Variants in SLC12A8 observed in about 807,000 individuals in gnomAD.
SLC12A8 encodes the protein cation-chloride cotransporter 9.
A neutral mutation model predicts 75.6 loss-of-function variants in SLC12A8; 69 were observed. The ratio of observed to expected loss-of-function variants is 0.91; its 90% CI spans 0.75 to 1.11. SLC12A8 has a LOEUF of 1.11. Ranked by LOEUF, SLC12A8 falls within the 50% of genes most tolerant of loss-of-function variation. The probability of loss-of-function intolerance (pLI) is 0.00; values close to 1 mark genes in which losing one functional copy is unlikely to be tolerated. For missense variants in SLC12A8, 877 were observed against 896.7 expected (o/e 0.98, Z 0.28); for synonymous variants, 365 against 372.8 (o/e 0.98, Z 0.24).
chr3:125,169,479 G>T (rs1934363084), intron 5 of SLC12A8, among the ~76,000 whole-genome samples: 1 of 152,122 alleles, frequency 6.6e-6, no homozygotes, highest in African/African-American at 2.4e-5. Flanking sequence ...GAGATGAAAT[G>T]AGAGACAAGA....
At chr3:125,159,264 A>G (rs1217668992) in intron 5 of SLC12A8, among the ~76,000 whole-genome samples, 3 of 152,214 alleles carry the variant, frequency 2.0e-5, no homozygotes, top group Non-Finnish European at 4.4e-5. Context: ...TATATATCAA[A>G]GAACTTTTTT....
chr3:125,116,059 T>C (rs947616542), intron 8 of SLC12A8, among the ~76,000 whole-genome samples: 11 of 152,206 alleles, frequency 7.2e-5, no homozygotes, highest in African/African-American at 2.7e-4. Context: ...ATCTACTGCC[T>C]GAGCACGGTA....
At chr3:125,180,554 G>A (rs772641127) in intron 4 of SLC12A8, among the ~76,000 whole-genome samples, 10 of 152,080 alleles carry the variant, frequency 6.6e-5, no homozygotes, top group Non-Finnish European at 1.3e-4. Context: ...AGCCAGGCAC[G>A]GTGGTGTGCA....
At chr3:125,131,215 G>T (rs1235812747) in intron 6 of SLC12A8, among the ~76,000 whole-genome samples, 1 of 152,166 alleles carries the variant, frequency 6.6e-6, no homozygotes, top group East Asian at 1.9e-4. Flanking sequence ...ATTTGCCTGT[G>T]CACTGTTTTG....
chr3:125,107,009 C>G (rs1454707013), intron 10 of SLC12A8, among the ~76,000 whole-genome samples: 4 of 152,194 alleles, frequency 2.6e-5, no homozygotes, highest in Non-Finnish European at 5.9e-5. Flanking sequence ...CTGTGTATCT[C>G]TGTGTTTATA....
At chr3:125,135,052 C>A (rs1283396501) in intron 6 of SLC12A8, among the ~76,000 whole-genome samples, 1 of 152,198 alleles carries the variant, frequency 6.6e-6, no homozygotes, top group Non-Finnish European at 1.5e-5. Flanking sequence ...GGCAGGAGCC[C>A]TACAGGGACC....
At chr3:125,201,702 G>GAAAAAAAAAAA (rs141256499) in intron 2 of SLC12A8, among the ~76,000 whole-genome samples, 2 of 95,572 alleles carry the variant, frequency 2.1e-5, no homozygotes, top group Non-Finnish European at 2.2e-5. Flanking sequence ...AGCCATGATT[G>GAAAAAAAAAAA]AAAAAAAAAA....
At chr3:125,159,679 A>G (rs1934126319) in intron 5 of SLC12A8, among the ~76,000 whole-genome samples, 1 of 152,008 alleles carries the variant, frequency 6.6e-6, no homozygotes, top group African/African-American at 2.4e-5. Flanking sequence ...GTGAGCCACC[A>G]GCCCCCAGGC....
At chr3:125,141,898 G>A (rs548222124) in intron 5 of SLC12A8, among the ~76,000 whole-genome samples, 2 of 152,236 alleles carry the variant, frequency 1.3e-5, no homozygotes, top group East Asian at 3.9e-4. Context: ...CGCAGGAAGA[G>A]CGGCTCTGCG....
Position 125,118,789 on chromosome 3 carries a change from C to A in SLC12A8, c.892G>T (p.Asp298Tyr). The change falls in exon 8 of 14, where the codon GAC becomes TAC. Residue 298 changes from aspartate to tyrosine, a missense_variant. Transcript: ENST00000469902. ...CTCACCTTTTCCGCTATCAGGAAGT[C>A]ATAGCGAAGGGCCTCTCGAGTGCAG... ...AICTREALRY[D>Y]FLIAEKVSLM... 6.2e-7 allele frequency: 1 copy of A among 1,613,564 alleles called. No individual in the cohort carries two copies. Among genetic ancestry groups the A allele is most frequent in the South Asian group, 1.1e-5 (1 of 91,008 alleles).
chr3:125,120,496 T>A, intron 7 of SLC12A8, 103 bp downstream of exon 7: 1 of 823,844 alleles, frequency 1.2e-6, no homozygotes, highest in Admixed American at 2.1e-5. Flanking sequence ...AATAGATTGG[T>A]CACAGTCGGG....
At chr3:125,176,173 A>G (rs550442406) in intron 5 of SLC12A8, among the ~76,000 whole-genome samples, 1 of 152,320 alleles carries the variant, frequency 6.6e-6, no homozygotes, top group African/African-American at 2.4e-5. Flanking sequence ...ATCATCGTGC[A>G]AAAACAGGCC....
chr3:125,138,659 T>C (rs1265106502), intron 5 of SLC12A8, among the ~76,000 whole-genome samples: 3 of 152,204 alleles, frequency 2.0e-5, no homozygotes, highest in Non-Finnish European at 4.4e-5. Context: ...GTTTGTATAA[T>C]GCAATTACAG....
rs1939069915 is a variant in SLC12A8, at chr3:125,107,806, C to T, written c.1380G>A (p.Lys460=). The T allele has an allele frequency of 6.2e-7, 1 of 1,614,020 alleles. No individual in the cohort carries two copies. Among genetic ancestry groups the T allele is most frequent in the Admixed American group, 1.7e-5 (1 of 59,992 alleles). ...TTAGCTGGAGGAGCTGATCCATGTC[C>T]TTGGTGAATTCCAGTAGCGTGCCCT... ...VLEGTLLEFT[K]DMDQLLQLTR... The change falls in exon 10 of 14, where the codon AAG becomes AAA. Residue 460 remains lysine (K), a synonymous_variant. Coordinates refer to ENST00000469902, the MANE Select transcript of SLC12A8 (RefSeq NM_024628.6).
intron 3 of SLC12A8, among the ~76,000 whole-genome samples, chr3:125,189,336 G>A (rs1435867911): frequency 1.3e-5 from 2 of 152,176 alleles, no homozygotes; most frequent in Non-Finnish European, 2.9e-5. Context: ...GCATTGGCCT[G>A]TTTCTCTGGA....
At chr3:125,196,264 A>C (rs1203696847) in intron 2 of SLC12A8, among the ~76,000 whole-genome samples, 1 of 152,264 alleles carries the variant, frequency 6.6e-6, no homozygotes, top group Non-Finnish European at 1.5e-5. Context: ...ACCATACTTA[A>C]AGCGGAAAAA....
intron 8 of SLC12A8, among the ~76,000 whole-genome samples, chr3:125,114,274 C>G (rs1409880729): frequency 6.6e-6 from 1 of 152,158 alleles, no homozygotes. Context: ...GAGTGGCCCA[C>G]TAGGCTCACT....
At chr3:125,125,936 A>C (rs983318295) in intron 6 of SLC12A8, 3 of 985,064 alleles carry the variant, frequency 3.0e-6, no homozygotes, top group Non-Finnish European at 3.6e-6. Flanking sequence ...CGCCACAGGC[A>C]CTTGCATCAC....
At chr3:125,152,510 G>T (rs934783881) in intron 5 of SLC12A8, among the ~76,000 whole-genome samples, 1 of 152,184 alleles carries the variant, frequency 6.6e-6, no homozygotes, top group Non-Finnish European at 1.5e-5. Context: ...TCAAGAGGAT[G>T]CAGGAAGAAG....
Sources: allele counts gnomAD v4.1 joint callset (sites outside exome capture counted in the v4.1 genomes callset), GRCh38; gene constraint gnomAD v4.1.1; transcripts MANE v1.5; gene names NCBI Gene and HGNC (gene_info 2026-07-23, HGNC 2026-07-21).